UGT2B4: variants seen among roughly 807,000 people sequenced by gnomAD.
The protein encoded by UGT2B4 is UDP-glucuronosyltransferase 2B4.
UGT2B4 carries 49 observed loss-of-function variants against 49.8 expected under a neutral mutation model. The ratio of observed to expected loss-of-function variants is 0.98; its 90% CI spans 0.78 to 1.25. The LOEUF (loss-of-function observed/expected upper bound fraction) is 1.25. Ranked by LOEUF, UGT2B4 falls within the 50% of genes most tolerant of loss-of-function variation. UGT2B4 has a pLI of 0.00. For missense variants in UGT2B4, 729 were observed against 627.7 expected, an observed-to-expected ratio of 1.16 and a Z score of -1.73; for synonymous variants, 246 against 217.7, an observed-to-expected ratio of 1.13 and a Z score of -1.14.
At chr4:69,516,533 T>A (rs1728737642) in intron 1 of UGT2B4, among the ~76,000 whole-genome samples, 1 of 152,166 alleles carries the variant, frequency 6.6e-6, no homozygotes, top group African/African-American at 2.4e-5. Context: ...TTCTGACTGG[T>A]GTGAGATGAT....
rs563076615 is a variant in UGT2B4, at chr4:69,485,971, G to A, written c.1091-544C>T. ...AGACAGAGTTTCACCATGTTGCCCA[G>A]GATGGTCTTGAACTCCTGAGCTCAG... On this transcript the variant is annotated intron_variant, in intron 4 of 5. Coordinates refer to ENST00000305107, the MANE Select transcript of UGT2B4 (RefSeq NM_021139.3). Among the ~76,000 whole-genome samples, 6 of 152,182 alleles carry A rather than the reference G, an allele frequency of 3.9e-5. No individual in the cohort carries two copies. The East Asian group carries it at 9.7e-4, about 25-fold the overall frequency.
chr4:69,520,872 T>A (rs1352289671), intron 1 of UGT2B4, among the ~76,000 whole-genome samples: 1 of 152,124 alleles, frequency 6.6e-6, no homozygotes, highest in Non-Finnish European at 1.5e-5. Flanking sequence ...TGAAGCCCCA[T>A]CTTCAAGCTA....
In UGT2B4 at chr4:69,495,440, T is replaced by C; in HGVS notation, c.422A>G (p.Gln141Arg). The change falls in exon 1 of 6, where the codon CAG (glutamine) becomes CGG (arginine). Residue 141 changes from glutamine (Q) to arginine (R), a missense_variant. Physicochemically the swap from Gln to Arg is conservative, Grantham distance 43. Coordinates refer to ENST00000305107, the MANE Select transcript of UGT2B4 (RefSeq NM_021139.3). ...AAGAACAACATCAAATCTTGACTCC[T>C]GTAGTTTCTTCATAAGTTTCTTATT... The part of the protein sequence containing the change: ...VSNKKLMKKL[Q>R]ESRFDVVLAD... 10 of 1,613,768 alleles carry C rather than the reference T, an allele frequency of 6.2e-6. No individual in the cohort carries two copies. Among genetic ancestry groups the C allele is most frequent in the South Asian group, 5.5e-5 (5 of 91,056 alleles).
chr4:69,488,255 A>G (rs566430527), intron 3 of UGT2B4, among the ~76,000 whole-genome samples: 2 of 152,284 alleles, frequency 1.3e-5, no homozygotes, highest in Non-Finnish European at 2.9e-5. Flanking sequence ...TCAAAATTGC[A>G]TTTTGCTGAA....
upstream of UGT2B4, among the ~76,000 whole-genome samples, chr4:69,499,292 G>A (rs1187033368): frequency 6.6e-6 from 1 of 152,086 alleles, no homozygotes; most frequent in Non-Finnish European, 1.5e-5. Context: ...TTCTGTGATT[G>A]ATTTTAGAGT....
Position 69,495,468 on chromosome 4 carries a change from A to G in UGT2B4, c.394T>C (p.Ser132Pro). 6.2e-7 allele frequency: 1 copy of G among 1,612,952 alleles called. No homozygotes were observed. Among genetic ancestry groups the G allele is most frequent in the Non-Finnish European group, 8.5e-7 (1 of 1,179,404 alleles). The change falls in exon 1 of 6, where the codon TCA (serine) becomes CCA (proline). Residue 132 changes from serine (S) to proline (P), a missense_variant. Transcript: ENST00000305107. The part of the protein sequence containing the change: ...ILRKFCKDIV[S>P]NKKLMKKLQE... Reference sequence around the variant, plus strand: ...AGTTTCTTCATAAGTTTCTTATTTGAAACTATATCCTTACAGAACTTTCTA... The same window carrying G: ...AGTTTCTTCATAAGTTTCTTATTTGGAACTATATCCTTACAGAACTTTCTA...
chr4:69,485,574 A>G, intron 4 of UGT2B4, 147 bp from the exon 5 acceptor site: 1 of 1,093,490 alleles, frequency 9.1e-7, no homozygotes, highest in Non-Finnish European at 1.3e-6. Flanking sequence ...AGGAACGCCT[A>G]CTTCTGCTGG....
chr4:69,518,887 TC>T lies in UGT2B4; in HGVS notation c.-106+6799del, dbSNP rs1330826900. ...ATATTTAGTACAGGGTGTTCAGTATTCCAGAGGAAAAATACAGTAAGTTTCA... is the reference window on the plus strand; with the variant it reads ...ATATTTAGTACAGGGTGTTCAGTATTCAGAGGAAAAATACAGTAAGTTTCA... On this transcript the variant is annotated intron_variant, in intron 1 of 1. Coordinates refer to the UGT2B4 transcript ENST00000510114. Among the ~76,000 whole-genome samples the T allele has an allele frequency of 2.6e-5, 4 of 152,188 alleles. No individual in the cohort carries two copies. In the East Asian group the frequency reaches 7.7e-4, roughly 29 times the overall value.
In UGT2B4 at chr4:69,486,608, C is replaced by A. The variant is rs762893810; in HGVS notation, c.1090+1G>T. 1.3e-6 allele frequency: 2 copies of A among 1,588,314 alleles called. No homozygotes were observed. The highest frequency in any genetic ancestry group is 2.3e-5 in the East Asian group (1 of 44,098). On this transcript the variant is annotated splice_donor_variant, in intron 4 of 5. Coordinates refer to ENST00000305107, the MANE Select transcript of UGT2B4 (RefSeq NM_021139.3). LOFTEE classifies it high-confidence loss of function. ...TCAGTATTTGTTCTTCAGAGACTTA[C>A]CAAGAAGATCATTCTGGGGTATCCA...
At chr4:69,521,944 G>C (rs1465472706) in intron 1 of UGT2B4, among the ~76,000 whole-genome samples, 1 of 152,164 alleles carries the variant, frequency 6.6e-6, no homozygotes, top group Admixed American at 6.5e-5. Context: ...GATGCAGCAA[G>C]TGTAGTATAT....
rs3075675 is a variant in UGT2B4 at position 69,509,170 on chromosome 4, A to ATTTTTTTTTT, written c.-105-13214_-105-13205dup. On this transcript the variant is annotated intron_variant, in intron 1 of 1. Transcript: ENST00000510114. ...GATTGTTAGATCATATGGAATTTCT[A>ATTTTTTTTTT]TTTTTTTTTTTTTTTTTTGAGACAG... 3.3e-4 allele frequency among the ~76,000 whole-genome samples: 39 copies of ATTTTTTTTTT among 119,740 alleles called. 3 individuals are homozygous for ATTTTTTTTTT. The highest frequency in any genetic ancestry group is 4.9e-4 in the Admixed American group (5 of 10,150). The allele number at this position is 119,740 out of a possible 152,430, so 78.6% of individuals were successfully genotyped here.
chr4:69,524,589 A>C (rs1728929530), intron 1 of UGT2B4, among the ~76,000 whole-genome samples: 1 of 152,174 alleles, frequency 6.6e-6, no homozygotes, highest in Admixed American at 6.6e-5. Context: ...TTAAAGCTTT[A>C]TGAAAATTAG....
At chr4:69,494,996 A>T in intron 1 of UGT2B4, 145 bp downstream of exon 1, 1 of 737,814 alleles carries the variant, frequency 1.4e-6, no homozygotes, top group Non-Finnish European at 2.0e-6. Flanking sequence ...AGTGCTTGTG[A>T]GTTTGGTAGA....
rs192803537 is a variant in UGT2B4 at position 69,493,733 on chromosome 4, A to T, written c.830T>A (p.Val277Asp). 16 of 1,611,678 alleles carry T rather than the reference A, an allele frequency of 9.9e-6. No individual in the cohort carries two copies. In the Admixed American group the frequency reaches 2.7e-4, roughly 27 times the overall value. Reference protein sequence around the residue: ...PHPLLPNVEFVGGLHCKPAKP... With the variant: ...PHPLLPNVEFDGGLHCKPAKP... ...GGCAGGTTTGCAGTGGAGTCCTCCA[A>T]CGAACTCAACATTTGGTAAGAGTGG... The change falls in exon 2 of 6, where the codon GTT becomes GAT. Residue 277 changes from valine to aspartate, a missense_variant. Physicochemically the swap from Val to Asp is radical, Grantham distance 152. Coordinates refer to ENST00000305107, the MANE Select transcript of UGT2B4 (RefSeq NM_021139.3).
At chr4:69,524,062 T>C (rs1728906695) in intron 1 of UGT2B4, among the ~76,000 whole-genome samples, 1 of 152,166 alleles carries the variant, frequency 6.6e-6, no homozygotes, top group Admixed American at 6.5e-5. Flanking sequence ...GTTTAAGGAA[T>C]GTTTGTGGCT....
chr4:69,501,932 G>T (rs1464008062), intron 1 of UGT2B4, among the ~76,000 whole-genome samples: 1 of 152,102 alleles, frequency 6.6e-6, no homozygotes, highest in Non-Finnish European at 1.5e-5. Flanking sequence ...CTGACCCGAG[G>T]GTTGCAGAGA....
chr4:69,484,152 A>G (rs1727696334), intron 5 of UGT2B4, among the ~76,000 whole-genome samples: 1 of 152,146 alleles, frequency 6.6e-6, no homozygotes, highest in Admixed American at 6.5e-5. Context: ...ACAAATAATA[A>G]CAGGTGTTGG....
At chr4:69,512,098 A>C (rs1327793183) in intron 1 of UGT2B4, among the ~76,000 whole-genome samples, 1 of 150,900 alleles carries the variant, frequency 6.6e-6, no homozygotes, top group Non-Finnish European at 1.5e-5. Flanking sequence ...CTCATCTTAG[A>C]TTTGTTGATT....
chr4:69,525,276 C>T (rs1401048237), intron 1 of UGT2B4, among the ~76,000 whole-genome samples: 5 of 151,918 alleles, frequency 3.3e-5, no homozygotes, highest in Non-Finnish European at 7.4e-5. Flanking sequence ...AAGTATGAGA[C>T]CATAAGGGCT....
Sources: gnomAD v4.1 joint callset for allele counts (sites outside exome capture counted in the v4.1 genomes callset) on GRCh38, gnomAD v4.1.1 for gene constraint, MANE v1.5 for transcripts, NCBI Gene and HGNC (gene_info 2026-07-23, HGNC 2026-07-21) for gene names.